The following EPS15 variants were observed in gnomAD, a reference collection of about 807,000 sequenced individuals.
EPS15 encodes epidermal growth factor receptor pathway substrate 15.
Under a neutral mutation model 113.8 loss-of-function variants are expected in EPS15, and 72 were observed. The ratio of observed to expected loss-of-function variants is 0.63; its 90% CI spans 0.52 to 0.77. EPS15 has a LOEUF of 0.77. Among genes scored for constraint, EPS15 ranks in the 30% least tolerant of loss-of-function variants. The pLI, the probability that EPS15 is intolerant of heterozygous loss-of-function variation, is 0.00. For synonymous variants in EPS15, 344 were observed against 363.4 expected, an observed-to-expected ratio of 0.95 and a Z score of 0.61; for missense variants, 1,048 against 1,045.8, an observed-to-expected ratio of 1.00 and a Z score of -0.03.
intron 21 of EPS15, chr1:51,372,592 CAAGAA>C (rs951987281): frequency 2.7e-5 from 14 of 517,842 alleles, no homozygotes; most frequent in Admixed American, 2.6e-4. Flanking sequence ...TCAATGAACT[CAAGAA>C]AAGACACTAA....
intron 21 of EPS15, among the ~76,000 whole-genome samples, chr1:51,377,984 C>T (rs575571257): frequency 6.6e-6 from 1 of 151,832 alleles, no homozygotes; most frequent in East Asian, 1.9e-4. Context: ...CAACCTCAGC[C>T]TCCTGGGTTC....
intron 10 of EPS15, 70 bp from the exon 11 acceptor site, chr1:51,445,115 C>A (rs1342428813): frequency 7.2e-7 from 1 of 1,387,390 alleles, no homozygotes; most frequent in Non-Finnish European, 9.9e-7. Flanking sequence ...AAAAGTACCA[C>A]TATGCAGCTT....
intron 13 of EPS15, among the ~76,000 whole-genome samples, chr1:51,420,636 C>T (rs1650664694): frequency 6.6e-6 from 1 of 152,090 alleles, no homozygotes; most frequent in African/African-American, 2.4e-5. Flanking sequence ...CTCTTATGCC[C>T]ACCTAACCTC....
intron 1 of EPS15, among the ~76,000 whole-genome samples, chr1:51,500,013 T>C (rs1181806275): frequency 6.6e-6 from 1 of 152,262 alleles, no homozygotes; most frequent in African/African-American, 2.4e-5. Context: ...TTGACTATGC[T>C]AGTTACCACA....
intron 1 of EPS15, among the ~76,000 whole-genome samples, chr1:51,505,951 A>G (rs923599273): frequency 6.6e-6 from 1 of 152,038 alleles, no homozygotes; most frequent in Non-Finnish European, 1.5e-5. Context: ...CAATGGCGCA[A>G]TCTTGGCTCA....
intron 5 of EPS15, among the ~76,000 whole-genome samples, chr1:51,466,132 A>C (rs1654826666): frequency 1.3e-5 from 2 of 150,488 alleles, no homozygotes; most frequent in South Asian, 2.1e-4. Flanking sequence ...ATGTAACATC[A>C]GCATATGGTA....
intron 12 of EPS15, chr1:51,423,211 T>C (rs968477444): frequency 4.7e-6 from 6 of 1,288,914 alleles, no homozygotes; most frequent in Non-Finnish European, 5.1e-6. Flanking sequence ...CACTAACCGT[T>C]TGTCAGATGG....
intron 24 of EPS15, among the ~76,000 whole-genome samples, chr1:51,360,317 G>C (rs1646353301): frequency 6.6e-6 from 1 of 152,130 alleles, no homozygotes; most frequent in African/African-American, 2.4e-5. Context: ...AAAAAACTGT[G>C]AAACTGAAAA....
chr1:51,425,537 A>G (rs991562889), intron 12 of EPS15, among the ~76,000 whole-genome samples: 1 of 152,238 alleles, frequency 6.6e-6, no homozygotes, highest in African/African-American at 2.4e-5. Flanking sequence ...ATTAGAAACT[A>G]CAAAGTTGTG....
At chr1:51,474,721 G>A (rs1024166173) in intron 2 of EPS15, among the ~76,000 whole-genome samples, 6 of 151,580 alleles carry the variant, frequency 4.0e-5, no homozygotes, top group Non-Finnish European at 7.4e-5. Context: ...TAGGGTACAT[G>A]TGCACAACAT....
intron 7 of EPS15, chr1:51,463,281 AT>A (rs1654612758): frequency 1.3e-5 from 2 of 153,874 alleles, no homozygotes; most frequent in African/African-American, 4.8e-5. Flanking sequence ...AGAGAGAAGA[AT>A]TTATGATTTC....
intron 1 of EPS15, among the ~76,000 whole-genome samples, chr1:51,486,534 G>A (rs953990223): frequency 2.0e-5 from 3 of 151,536 alleles, no homozygotes; most frequent in Admixed American, 2.0e-4. Flanking sequence ...TTGTATCAAA[G>A]ACAGTACCTT....
At chr1:51,405,621 C>T (rs1478291792) in intron 16 of EPS15, among the ~76,000 whole-genome samples, 2 of 151,940 alleles carry the variant, frequency 1.3e-5, no homozygotes, top group Non-Finnish European at 2.9e-5. Flanking sequence ...TTGCTTGAAC[C>T]CAGGAGACGG....
At chr1:51,422,953 A>G (rs1278394987) in intron 12 of EPS15, among the ~76,000 whole-genome samples, 1 of 152,232 alleles carries the variant, frequency 6.6e-6, no homozygotes, top group African/African-American at 2.4e-5. Context: ...CCCAAAATGT[A>G]AGCTCAGGCT....
chr1:51,499,481 T>C (rs1489210817), intron 1 of EPS15, among the ~76,000 whole-genome samples: 1 of 152,168 alleles, frequency 6.6e-6, no homozygotes, highest in East Asian at 1.9e-4. Context: ...TTCTTCTGAG[T>C]AGACAGCTGG....
chr1:51,390,491 T>C (rs928972753), intron 21 of EPS15, among the ~76,000 whole-genome samples: 1 of 152,072 alleles, frequency 6.6e-6, no homozygotes, highest in East Asian at 1.9e-4. Flanking sequence ...AAAGAGCTTC[T>C]GCACAGCAAA....
At chr1:51,465,399 T>C in intron 5 of EPS15, 73 bp from the exon 6 acceptor site, 1 of 995,630 alleles carries the variant, frequency 1.0e-6, no homozygotes, top group Non-Finnish European at 1.5e-6. Context: ...AAATGGTTTT[T>C]GGATTTAAAT....
In EPS15 at chr1:51,495,684, C is replaced by CA. The variant is rs112390241; in HGVS notation, c.34-14371dup. On this transcript the variant is annotated intron_variant, in intron 1 of 24. Coordinates refer to ENST00000371733, the MANE Select transcript of EPS15 (RefSeq NM_001981.3). ...TATTTCCAAACAGCAAAGAATTTGG[C>CA]AAAAAAAAAACCTCTCCTTAATTAT... 9.2e-3 allele frequency among the ~76,000 whole-genome samples: 1,342 copies of CA among 145,448 alleles called. 7 individuals are homozygous for CA. Among genetic ancestry groups the CA allele is most frequent in the African/African-American group, 0.027 (1,068 of 39,738 alleles).
chr1:51,519,200 T>A lies in EPS15; in HGVS notation c.32A>T (p.Gln11Leu). The A allele has an allele frequency of 7.0e-7, 1 of 1,419,862 alleles. No individual in the cohort carries two copies. Among genetic ancestry groups the A allele is most frequent in the Non-Finnish European group, 9.3e-7 (1 of 1,075,462 alleles). The allele number at this position is 1,419,862 out of a possible 1,614,324, so 88.0% of individuals were successfully genotyped here. The change falls in exon 1 of 25, where the codon CAG becomes CTG. Residue 11 changes from glutamine to leucine, a missense_variant and splice_region_variant. Gln to Leu is a moderately radical substitution (Grantham distance 113). Coordinates refer to ENST00000371733, the MANE Select transcript of EPS15 (RefSeq NM_001981.3). ...CGGCGGACGGGCGTGTGGCGTTACC[T>A]GTGTCAGAGAGAGCTGGGCCGCCGC... MAAAAQLSLT[Q>L]LSSGNPVYEK...
Sources: gnomAD v4.1 joint callset for allele counts (sites outside exome capture counted in the v4.1 genomes callset) on GRCh38, gnomAD v4.1.1 for gene constraint, MANE v1.5 for transcripts, NCBI Gene and HGNC (gene_info 2026-07-23, HGNC 2026-07-21) for gene names.